The following CPEB3 variants were observed in gnomAD, a reference collection of about 807,000 sequenced individuals.
CPEB3 encodes the protein cytoplasmic polyadenylation element-binding protein 3.
CPEB3 carries 20 observed loss-of-function variants against 67.2 expected under a neutral mutation model. The ratio of observed to expected loss-of-function variants is 0.30; its 90% CI spans 0.21 to 0.43. CPEB3 has a LOEUF of 0.43. CPEB3 is among the 20% of genes least tolerant of loss of function. The pLI is 1.00. For missense variants in CPEB3, 746 were observed against 968.6 expected (o/e 0.77, Z 3.05); for synonymous variants, 376 against 393.1 (o/e 0.96, Z 0.51).
chr10:92,139,628 C>T (rs187380259), intron 6 of CPEB3, among the ~76,000 whole-genome samples: 1 of 152,102 alleles, frequency 6.6e-6, no homozygotes, highest in East Asian at 1.9e-4. Flanking sequence ...TTTGATAGTA[C>T]AACAGGGTGA....
At chr10:92,096,596 C>T (rs78064448) in intron 7 of CPEB3, among the ~76,000 whole-genome samples, 1,580 of 152,190 alleles carry the variant, frequency 0.01, 19 homozygotes, top group African/African-American at 0.036. Context: ...GACATGATTC[C>T]AGCACTTCTT....
intron 5 of CPEB3, among the ~76,000 whole-genome samples, chr10:92,144,744 A>C (rs1374537624): frequency 6.6e-6 from 1 of 152,202 alleles, no homozygotes; most frequent in Non-Finnish European, 1.5e-5. Context: ...CTTATTAGAT[A>C]GCTATGAGGA....
chr10:92,127,020 G>A (rs1284251202), intron 6 of CPEB3, among the ~76,000 whole-genome samples: 1 of 152,122 alleles, frequency 6.6e-6, no homozygotes, highest in Non-Finnish European at 1.5e-5. Context: ...TTGGTATTGA[G>A]CAGTGAACAA....
At chr10:92,247,172 G>A (rs1339586797) in intron 1 of CPEB3, among the ~76,000 whole-genome samples, 4 of 152,098 alleles carry the variant, frequency 2.6e-5, no homozygotes, top group Non-Finnish European at 5.9e-5. Flanking sequence ...CTTCTCTACT[G>A]AAATGTTGTT....
intron 6 of CPEB3, among the ~76,000 whole-genome samples, chr10:92,129,766 G>A (rs769351136): frequency 5.9e-5 from 9 of 152,084 alleles, no homozygotes; most frequent in East Asian, 1.9e-4. Flanking sequence ...TCCCTGTTGC[G>A]CATGGTAGCT....
intron 1 of CPEB3, among the ~76,000 whole-genome samples, chr10:92,282,482 G>T (rs1842341580): frequency 6.6e-6 from 1 of 152,110 alleles, no homozygotes; most frequent in South Asian, 2.1e-4. Context: ...TAGGTCAGGA[G>T]TTTGAGACCA....
At chr10:92,095,375 T>C (rs1351786472) in intron 7 of CPEB3, among the ~76,000 whole-genome samples, 2 of 152,070 alleles carry the variant, frequency 1.3e-5, no homozygotes. Flanking sequence ...TTAATCAACA[T>C]AGAACAATAT....
rs746406781 is a variant in CPEB3 at position 92,239,634 on chromosome 10, C to T, written c.717G>A (p.Ser239=). 1 of 1,558,320 alleles carries T rather than the reference C, an allele frequency of 6.4e-7. No homozygotes were observed. Among genetic ancestry groups the T allele is most frequent in the South Asian group, 1.2e-5 (1 of 84,814 alleles). ...CGCTTTGGTGCGTGTTCCAGCTGGA[C>T]GAGGCCGACGAGGCGGCGGCTGCGG... is the stretch of plus-strand genomic sequence containing the variant. ...AAAAAAASSA[S]SSWNTHQSVN... is the part of the protein sequence containing the mutation. The change falls in exon 2 of 10, where the codon TCG becomes TCA. Residue 239 remains serine (S), a synonymous_variant. Transcript: ENST00000265997. The surrounding 1 kb of genome is among the most constrained non-coding windows in gnomAD (Gnocchi z 6.0).
chr10:92,202,083 T>TA (rs907215331), intron 2 of CPEB3, among the ~76,000 whole-genome samples: 6 of 151,790 alleles, frequency 4.0e-5, no homozygotes, highest in East Asian at 3.9e-4. Flanking sequence ...CTAGAATGGA[T>TA]AAAAAAAACA....
chr10:92,271,098 G>A (rs772295831), intron 1 of CPEB3, among the ~76,000 whole-genome samples: 5 of 152,058 alleles, frequency 3.3e-5, no homozygotes, highest in Non-Finnish European at 5.9e-5. Flanking sequence ...CAGGAGAATC[G>A]CTTGAACCTG....
chr10:92,069,107 T>C (rs1446916944), intron 9 of CPEB3, among the ~76,000 whole-genome samples: 2 of 152,200 alleles, frequency 1.3e-5, no homozygotes, highest in Admixed American at 1.3e-4. Flanking sequence ...TATTGAGTCA[T>C]TGTATATATT....
At chr10:92,265,664 G>A (rs540535272) in intron 1 of CPEB3, among the ~76,000 whole-genome samples, 305 of 150,884 alleles carry the variant, frequency 2.0e-3, no homozygotes, top group African/African-American at 6.9e-3. Flanking sequence ...CAGGAGAATC[G>A]CTTGAACCCA....
At chr10:92,083,350 C>T (rs1476438910) in intron 8 of CPEB3, among the ~76,000 whole-genome samples, 1 of 152,154 alleles carries the variant, frequency 6.6e-6, no homozygotes, top group South Asian at 2.1e-4. Context: ...GAGAATTGTC[C>T]GTTAAAGCCA....
At chr10:92,075,340 C>T (rs146513985) in intron 9 of CPEB3, among the ~76,000 whole-genome samples, 16 of 152,192 alleles carry the variant, frequency 1.1e-4, no homozygotes, top group African/African-American at 2.4e-4. Flanking sequence ...ACCACCATTC[C>T]GCTATTGTTA....
At chr10:92,168,778 TA>T (rs754277315) in intron 4 of CPEB3, among the ~76,000 whole-genome samples, 28 of 150,892 alleles carry the variant, frequency 1.9e-4, no homozygotes, top group Non-Finnish European at 4.0e-4. Flanking sequence ...GTGAGTCAAT[TA>T]AACCTCTTGC....
chr10:92,209,660 T>A (rs935300080), intron 2 of CPEB3, among the ~76,000 whole-genome samples: 17 of 151,754 alleles, frequency 1.1e-4, no homozygotes, highest in African/African-American at 4.1e-4. Context: ...GACTCAAAAG[T>A]GGAATTTCAG....
Position 92,047,518 on chromosome 10 carries a change from T to G in CPEB3, c.*4694A>C, listed in dbSNP as rs1364561778. 1 of 152,242 alleles carries G rather than the reference T, an allele frequency of 6.6e-6. No homozygotes were observed. The highest frequency in any genetic ancestry group is 2.4e-5 in the African/African-American group (1 of 41,462). The allele number at this position is 152,242 out of a possible 1,614,324, so 9.4% of individuals were successfully genotyped here. A position where few individuals can be genotyped will look rare whatever the true frequency, so the allele number is the denominator to read the frequency against. On this transcript the variant is annotated 3_prime_UTR_variant, in exon 10 of 10. Coordinates refer to ENST00000265997, the MANE Select transcript of CPEB3 (RefSeq NM_014912.5). ...AGCAGTTATTTGCTAATTGCATAAA[T>G]GCAGTACATTCTGCATTAGCCCATG... is the stretch of plus-strand genomic sequence containing the variant.
chr10:92,257,081 C>A (rs1218833262), intron 1 of CPEB3, among the ~76,000 whole-genome samples: 1 of 152,128 alleles, frequency 6.6e-6, no homozygotes, highest in Non-Finnish European at 1.5e-5. Flanking sequence ...AGAATGTGTT[C>A]CAAAACCCTA....
At position 92,049,331 on chromosome 10, in the gene CPEB3, G is replaced by A. The variant is rs1852206112; in HGVS notation, c.*2881C>T. The A allele has an allele frequency of 6.6e-6, 1 of 152,240 alleles. No individual in the cohort carries two copies. The allele number at this position is 152,240 out of a possible 1,614,324, so 9.4% of individuals were successfully genotyped here. A position where few individuals can be genotyped will look rare whatever the true frequency, so the allele number is the denominator to read the frequency against. ...TCGACTAGTTCAAGTGTCACACCAA[G>A]GAAAGGCCACAGCAGGACCTGTGTT... On this transcript the variant is annotated 3_prime_UTR_variant, in exon 10 of 10. Transcript: ENST00000265997.
Sources: allele counts gnomAD v4.1 joint callset (sites outside exome capture counted in the v4.1 genomes callset), GRCh38; gene constraint gnomAD v4.1.1; non-coding constraint Gnocchi (gnomAD v3.1); transcripts MANE v1.5; gene names NCBI Gene and HGNC (gene_info 2026-07-23, HGNC 2026-07-21).